Variants in GMDS observed in about 807,000 individuals in gnomAD.
GMDS encodes the protein GDP-mannose 4,6 dehydratase.
Under a neutral mutation model 49.9 loss-of-function variants are expected in GMDS, and 20 were observed. The ratio of observed to expected loss-of-function variants is 0.40; its 90% CI spans 0.28 to 0.58. GMDS has a LOEUF of 0.58. Ranked by LOEUF, GMDS falls within the 20% of genes least tolerant of loss-of-function variation. The pLI, the probability that GMDS is intolerant of heterozygous loss-of-function variation, is 0.42. For synonymous variants in GMDS, 177 were observed against 178.6 expected (o/e 0.99, Z 0.07); for missense variants, 362 against 481.4 (o/e 0.75, Z 2.32).
intron 4 of GMDS, among the ~76,000 whole-genome samples, chr6:2,000,000 ATATATATATTTTTTATATATATATATATC>A: frequency 5.7e-5 from 1 of 17,476 alleles, no homozygotes; most frequent in Non-Finnish European, 1.2e-4. Flanking sequence ...TATATATTAT[ATATATATATTTTTTATATATATATATATC>A]TATATCTTTT....
At chr6:1,935,661 TATTAACTC>T (rs965854292) in intron 6 of GMDS, among the ~76,000 whole-genome samples, 1 of 152,190 alleles carries the variant, frequency 6.6e-6, no homozygotes, top group African/African-American at 2.4e-5. Flanking sequence ...TGGCTTTCAA[TATTAACTC>T]ATTAACCTAG....
chr6:2,035,457 C>G (rs1282144110), intron 4 of GMDS, among the ~76,000 whole-genome samples: 1 of 152,152 alleles, frequency 6.6e-6, no homozygotes. Context: ...ACATCTCCCA[C>G]ATCTTGTGTC....
At chr6:1,780,663 C>T (rs753972400) in intron 7 of GMDS, among the ~76,000 whole-genome samples, 7 of 152,230 alleles carry the variant, frequency 4.6e-5, no homozygotes, top group Non-Finnish European at 8.8e-5. Context: ...ATCCTCTGCC[C>T]GTCTCCTGCC....
chr6:1,991,989 G>T (rs1765973589), intron 4 of GMDS, among the ~76,000 whole-genome samples: 1 of 152,224 alleles, frequency 6.6e-6, no homozygotes, highest in African/African-American at 2.4e-5. Flanking sequence ...CTAGATGCGA[G>T]GAAGAGGCAT....
intron 4 of GMDS, among the ~76,000 whole-genome samples, chr6:1,976,462 G>C (rs1764908725): frequency 6.6e-6 from 1 of 152,134 alleles, no homozygotes; most frequent in Non-Finnish European, 1.5e-5. Context: ...ATAGGAGCAG[G>C]GTGTTCCAAT....
At chr6:2,127,581 T>C (rs150893326) in intron 1 of GMDS, among the ~76,000 whole-genome samples, 1 of 152,346 alleles carries the variant, frequency 6.6e-6, no homozygotes, top group Non-Finnish European at 1.5e-5. Flanking sequence ...TGGAACATTC[T>C]GAACCAGTAG....
rs149304222 is a variant in GMDS, at chr6:1,778,619, C to T, written c.772-36033G>A. 1.7e-4 allele frequency among the ~76,000 whole-genome samples: 26 copies of T among 152,326 alleles called. No homozygotes were observed. Among genetic ancestry groups the T allele is most frequent in the African/African-American group, 5.5e-4 (23 of 41,588 alleles). The stretch of plus-strand genomic sequence containing the variant: ...GCAGGATTAGAGTAACATTAGTTAA[C>T]GTGGCCCTCCATTAATTTTCACTAT... On this transcript the variant is annotated intron_variant, in intron 7 of 10. Transcript: ENST00000380815. This position sits in a 1 kb window ranked among gnomAD's most constrained non-coding sequence, Gnocchi z 4.6.
intron 4 of GMDS, among the ~76,000 whole-genome samples, chr6:1,988,859 T>A (rs1311086931): frequency 1.3e-5 from 2 of 149,716 alleles, no homozygotes; most frequent in Non-Finnish European, 3.0e-5. Flanking sequence ...AAAACACAGG[T>A]GAGAACCAAA....
intron 7 of GMDS, among the ~76,000 whole-genome samples, chr6:1,871,997 T>G (rs1413390501): frequency 6.6e-6 from 1 of 152,206 alleles, no homozygotes; most frequent in African/African-American, 2.4e-5. Flanking sequence ...GAGAAGCACT[T>G]AATTCTAACT....
In GMDS at chr6:1,624,192, T is replaced by C. The variant is rs759861342; in HGVS notation, c.1096A>G (p.Met366Val). ...REMVHADVEL[M>V]RTNPNA is the part of the protein sequence containing the mutation. Reference sequence around the variant, plus strand: ...GCTCAGGCATTGGGGTTTGTCCTCATGAGCTCCACGTCGGCGTGCACCATC... The same window carrying C: ...GCTCAGGCATTGGGGTTTGTCCTCACGAGCTCCACGTCGGCGTGCACCATC... The change falls in exon 11 of 11, where the codon ATG (methionine) becomes GTG (valine). Residue 366 changes from methionine (M) to valine (V), a missense_variant. Transcript: ENST00000380815. 1.2e-6 allele frequency: 2 copies of C among 1,609,030 alleles called. No individual in the cohort carries two copies. Among genetic ancestry groups the C allele is most frequent in the South Asian group, 1.1e-5 (1 of 91,062 alleles).
chr6:2,237,518 C>CA (rs1384209642), intron 1 of GMDS, among the ~76,000 whole-genome samples: 1 of 125,872 alleles, frequency 7.9e-6, no homozygotes, highest in Non-Finnish European at 1.7e-5. Flanking sequence ...TTGGAAGTAC[C>CA]TTTTTTTTTT....
At chr6:1,676,159 T>G (rs1764616475) in intron 9 of GMDS, among the ~76,000 whole-genome samples, 2 of 152,110 alleles carry the variant, frequency 1.3e-5, no homozygotes, top group African/African-American at 2.4e-5. Flanking sequence ...GAGAGCCAAA[T>G]CATGAGTGAA....
At chr6:1,727,584 A>G (rs1447223876) in intron 8 of GMDS, among the ~76,000 whole-genome samples, 2 of 152,156 alleles carry the variant, frequency 1.3e-5, no homozygotes, top group African/African-American at 2.4e-5. Context: ...GGAAGACAAA[A>G]TTAGTTACCT....
At chr6:2,088,917 G>A (rs909303185) in intron 4 of GMDS, among the ~76,000 whole-genome samples, 1 of 152,166 alleles carries the variant, frequency 6.6e-6, no homozygotes, top group Non-Finnish European at 1.5e-5. Context: ...CCTTGATAGA[G>A]GCAACATGTG....
At chr6:1,781,197 C>T (rs1769068552) in intron 7 of GMDS, among the ~76,000 whole-genome samples, 1 of 152,182 alleles carries the variant, frequency 6.6e-6, no homozygotes. Flanking sequence ...CAAGGCAGGC[C>T]TCACGAAGGG....
At position 1,661,511 on chromosome 6, in the gene GMDS, C is replaced by T. The variant is rs938678293; in HGVS notation, c.988-36971G>A. The stretch of plus-strand genomic sequence containing the variant: ...CGGCTTGCTTGAGGCCACACAAGCC[C>T]GAGTGGGTCTGGGAATGTAGTTTGG... On this transcript the variant is annotated intron_variant, in intron 9 of 10. Coordinates refer to ENST00000380815, the MANE Select transcript of GMDS (RefSeq NM_001500.4). 2.0e-5 allele frequency among the ~76,000 whole-genome samples: 3 copies of T among 152,298 alleles called. No individual in the cohort carries two copies. The East Asian group carries it at 5.8e-4, about 29-fold the overall frequency.
chr6:1,842,810 T>C (rs576134416), intron 7 of GMDS, among the ~76,000 whole-genome samples: 4 of 152,298 alleles, frequency 2.6e-5, no homozygotes, highest in East Asian at 3.9e-4. Context: ...GCTCACATTG[T>C]ATATTTTAAA....
At chr6:1,641,113 G>A (rs1763318094) in intron 9 of GMDS, among the ~76,000 whole-genome samples, 1 of 152,212 alleles carries the variant, frequency 6.6e-6, no homozygotes, top group African/African-American at 2.4e-5. Flanking sequence ...ATGGTCTTAG[G>A]AGTTCCCTTG....
At chr6:2,006,264 A>AT (rs1209994724) in intron 4 of GMDS, among the ~76,000 whole-genome samples, 1 of 78,774 alleles carries the variant, frequency 1.3e-5, no homozygotes, top group Non-Finnish European at 2.8e-5. Context: ...TCTGCAAACA[A>AT]TTAAAAAAAA....
Sources: allele counts gnomAD v4.1 joint callset (sites outside exome capture counted in the v4.1 genomes callset), GRCh38; gene constraint gnomAD v4.1.1; non-coding constraint Gnocchi (gnomAD v3.1); transcripts MANE v1.5; gene names NCBI Gene and HGNC (gene_info 2026-07-23, HGNC 2026-07-21).